Variants in TLN2 observed in about 807,000 individuals in gnomAD.
TLN2 encodes the protein talin-2.
TLN2 carries 118 observed loss-of-function variants against 294.7 expected under a neutral mutation model. The observed-to-expected ratio is 0.40, with a 90% confidence interval of 0.34 to 0.47. TLN2 has a LOEUF of 0.47. Ranked by LOEUF, TLN2 falls within the 20% of genes least tolerant of loss-of-function variation. The pLI, the probability that TLN2 is intolerant of heterozygous loss-of-function variation, is 0.84. For synonymous variants in TLN2, 1,431 were observed against 1,304.5 expected (o/e 1.10, Z -2.09); for missense variants, 3,083 against 3,282.2 (o/e 0.94, Z 1.48).
chr15:62,596,998 A>G (rs1343077437), intron 2 of TLN2, among the ~76,000 whole-genome samples: 1 of 152,052 alleles, frequency 6.6e-6, no homozygotes, highest in Non-Finnish European at 1.5e-5. Context: ...AGGCTGTTTC[A>G]TGGTAGCTTG....
chr15:62,624,063 G>T (rs2049056257), intron 3 of TLN2, among the ~76,000 whole-genome samples: 1 of 152,164 alleles, frequency 6.6e-6, no homozygotes, highest in Non-Finnish European at 1.5e-5. Context: ...TGGGCCTGAG[G>T]ATGGACCTGC....
At chr15:62,752,640 A>T (rs2061999947) in intron 35 of TLN2, among the ~76,000 whole-genome samples, 1 of 152,250 alleles carries the variant, frequency 6.6e-6, no homozygotes, top group Non-Finnish European at 1.5e-5. Context: ...GAGCATGGCA[A>T]GACTCAGTAC....
rs574324734 is a variant in TLN2 at position 62,461,061 on chromosome 15, G to T, written c.-238+70376G>T. On this transcript the variant is annotated intron_variant, in intron 1 of 58. Transcript: ENST00000636159. ...CCTCCCAGATTCCAGTGATTCTCCT[G>T]CCTCAGACTCCCAAGTAGCAGGGAC... Among the ~76,000 whole-genome samples the T allele has an allele frequency of 3.3e-4, 50 of 152,234 alleles. 1 individual carries two copies. Among genetic ancestry groups the T allele is most frequent in the Admixed American group, 1.2e-3 (18 of 15,292 alleles).
intron 32 of TLN2, 90 bp from the exon 33 acceptor site, chr15:62,748,257 GAATT>G: frequency 1.0e-6 from 1 of 966,172 alleles, no homozygotes; most frequent in African/African-American, 1.7e-5. Flanking sequence ...CTGAAATAGT[GAATT>G]AATTGTATTT....
At chr15:62,685,655 G>C (rs2141040048) in intron 11 of TLN2, among the ~76,000 whole-genome samples, 1 of 152,144 alleles carries the variant, frequency 6.6e-6, no homozygotes, top group South Asian at 2.1e-4. Context: ...AGAAACCTTA[G>C]CTATTTTAAG....
chr15:62,659,560 G>A (rs2053596149), intron 9 of TLN2, among the ~76,000 whole-genome samples: 1 of 152,178 alleles, frequency 6.6e-6, no homozygotes, highest in South Asian at 2.1e-4. Flanking sequence ...TGGTCCTATT[G>A]AATGCTCCAC....
intron 22 of TLN2, among the ~76,000 whole-genome samples, chr15:62,712,797 G>A (rs1248618257): frequency 6.6e-6 from 1 of 151,974 alleles, no homozygotes; most frequent in Non-Finnish European, 1.5e-5. Context: ...TGCATCTCTA[G>A]GTGAGAACTG....
intron 1 of TLN2, among the ~76,000 whole-genome samples, chr15:62,405,447 C>G (rs970945770): frequency 6.6e-6 from 1 of 152,234 alleles, no homozygotes; most frequent in Admixed American, 6.5e-5. Context: ...CAGTTTGCTC[C>G]TCACTCCTGC....
At chr15:62,467,627 GT>G (rs775386401) in intron 1 of TLN2, among the ~76,000 whole-genome samples, 60 of 152,318 alleles carry the variant, frequency 3.9e-4, no homozygotes, top group Non-Finnish European at 6.5e-4. Flanking sequence ...AGAGGTTGCG[GT>G]GAGCTGAGAT....
At chr15:62,745,140 A>G (rs2061544670) in intron 32 of TLN2, among the ~76,000 whole-genome samples, 2 of 152,232 alleles carry the variant, frequency 1.3e-5, no homozygotes, top group Admixed American at 6.5e-5. Flanking sequence ...AGCATCTCTG[A>G]ACACTAAATA....
intron 28 of TLN2, among the ~76,000 whole-genome samples, chr15:62,735,328 G>T (rs576381911): frequency 6.6e-6 from 1 of 152,180 alleles, no homozygotes; most frequent in Non-Finnish European, 1.5e-5. Context: ...TAAGACTCAC[G>T]TTTATTCCGC....
intron 1 of TLN2, among the ~76,000 whole-genome samples, chr15:62,460,277 T>C (rs557856827): frequency 0.049 from 7,417 of 151,390 alleles, 268 homozygotes; most frequent in African/African-American, 0.1. Context: ...TTTTTTTTTT[T>C]CCCTTGAGAT....
chr15:62,527,292 C>G (rs1171873921), intron 1 of TLN2, among the ~76,000 whole-genome samples: 1 of 152,118 alleles, frequency 6.6e-6, no homozygotes, highest in African/African-American at 2.4e-5. Context: ...GCTGGGTTCC[C>G]TTGTGGGTTT....
At chr15:62,463,227 C>T (rs2036912178) in intron 1 of TLN2, among the ~76,000 whole-genome samples, 2 of 152,226 alleles carry the variant, frequency 1.3e-5, no homozygotes. Flanking sequence ...GCTACAGCCA[C>T]CCACTGACTT....
intron 54 of TLN2, among the ~76,000 whole-genome samples, chr15:62,826,245 G>T (rs1031351047): frequency 1.3e-5 from 2 of 152,132 alleles, no homozygotes; most frequent in African/African-American, 4.8e-5. Context: ...GATTATTTCA[G>T]TGGCGTTGCT....
At chr15:62,635,191 T>C (rs2050260487) in intron 3 of TLN2, among the ~76,000 whole-genome samples, 1 of 152,216 alleles carries the variant, frequency 6.6e-6, no homozygotes, top group Non-Finnish European at 1.5e-5. Flanking sequence ...TCTTGTTGTT[T>C]TGTTATCTTC....
At chr15:62,798,412 C>T (rs770912552) in intron 48 of TLN2, among the ~76,000 whole-genome samples, 2 of 152,130 alleles carry the variant, frequency 1.3e-5, no homozygotes, top group African/African-American at 4.8e-5. Flanking sequence ...CCTGCACATG[C>T]GGCACAGCTC....
At chr15:62,528,292 A>G (rs369678082) in intron 1 of TLN2, among the ~76,000 whole-genome samples, 4 of 152,332 alleles carry the variant, frequency 2.6e-5, no homozygotes, top group East Asian at 1.9e-4. Flanking sequence ...CTCCAAGGAC[A>G]CTATCCCAGA....
intron 28 of TLN2, among the ~76,000 whole-genome samples, chr15:62,731,753 C>G (rs2140944416): frequency 6.6e-6 from 1 of 152,160 alleles, no homozygotes; most frequent in East Asian, 1.9e-4. Flanking sequence ...GATCTTGGCC[C>G]TCTTTACCTT....
Sources: gnomAD v4.1 joint callset for allele counts (sites outside exome capture counted in the v4.1 genomes callset) on GRCh38, gnomAD v4.1.1 for gene constraint, MANE v1.5 for transcripts, NCBI Gene and HGNC (gene_info 2026-07-23, HGNC 2026-07-21) for gene names.